The following PHKG2 variants were observed in gnomAD, a reference collection of about 807,000 sequenced individuals.
The protein encoded by PHKG2 is phosphorylase kinase catalytic subunit gamma 2, also known as phosphorylase b kinase gamma catalytic chain, liver/testis isoform.
A neutral mutation model predicts 44.5 loss-of-function variants in PHKG2; 28 were observed. The observed-to-expected ratio is 0.63, with a 90% CI of 0.47 to 0.86. The LOEUF (loss-of-function observed/expected upper bound fraction) is 0.86. Ranked by LOEUF, PHKG2 falls within the 40% of genes least tolerant of loss-of-function variation. PHKG2 has a pLI of 0.00. For missense variants in PHKG2, 498 were observed against 547.5 expected, an observed-to-expected ratio of 0.91 and a Z score of 0.90; for synonymous variants, 220 against 211.2, an observed-to-expected ratio of 1.04 and a Z score of -0.36.
intron 3 of PHKG2, 81 bp from the exon 4 acceptor site, chr16:30,751,468 G>A: frequency 7.2e-7 from 1 of 1,383,958 alleles, no homozygotes. Flanking sequence ...GCCCGCTGCT[G>A]TCCCAGGGTG....
rs1226998252 is a variant in PHKG2, at chr16:30,759,728, G to A, written c.*2631G>A. ...TCCACGTTGCCCAAGGGGGTTGCTGGTAGGGAAAGCAAGATGCAGCAGTGA... is the reference window on the plus strand; with the variant it reads ...TCCACGTTGCCCAAGGGGGTTGCTGATAGGGAAAGCAAGATGCAGCAGTGA... On this transcript the variant is annotated 3_prime_UTR_variant, in exon 10 of 10. Transcript: ENST00000563588. The A allele has an allele frequency of 3.7e-6, 6 of 1,605,076 alleles. No homozygotes were observed. Among genetic ancestry groups the A allele is most frequent in the East Asian group, 2.2e-5 (1 of 44,834 alleles).
At position 30,758,746 on chromosome 16, in the gene PHKG2, G is replaced by A. The variant is rs1175544849; in HGVS notation, c.*1649G>A. 2 of 496,882 alleles carry A rather than the reference G, an allele frequency of 4.0e-6. No homozygotes were observed. The highest frequency in any genetic ancestry group is 3.9e-5 in the African/African-American group (2 of 51,488). 30.8% of individuals were successfully genotyped at this position (496,882 alleles called of 1,614,324 possible). On this transcript the variant is annotated 3_prime_UTR_variant, in exon 10 of 10. Coordinates refer to ENST00000563588, the MANE Select transcript of PHKG2 (RefSeq NM_000294.3). ...ATTTTTTGTATTTTAGTAGATAGGG[G>A]GTTTCACGGTGTTGCCCAGGCTGGT... is the stretch of plus-strand genomic sequence containing the variant.
chr16:30,749,873 G>A (rs1177584481), intron 2 of PHKG2, among the ~76,000 whole-genome samples: 2 of 152,170 alleles, frequency 1.3e-5, no homozygotes, highest in East Asian at 3.8e-4. Context: ...GATAGGTAGA[G>A]GTCTGTATCA....
Position 30,760,605 on chromosome 16 carries a change from C to A in PHKG2, c.*3508C>A. On this transcript the variant is annotated 3_prime_UTR_variant, in exon 10 of 10. Transcript: ENST00000563588. ...CTTCCCACGCCCCCCTCAGTCCCTA[C>A]TCCCTCATCTCAGCATTGGTGGTCT... 6.4e-7 allele frequency: 1 copy of A among 1,558,584 alleles called. No individual in the cohort carries two copies. Among genetic ancestry groups the A allele is most frequent in the Admixed American group, 1.9e-5 (1 of 51,676 alleles).
chr16:30,754,105 T>C lies in PHKG2; in HGVS notation c.556+548T>C, dbSNP rs79682912. 1.5e-4 allele frequency among the ~76,000 whole-genome samples: 23 copies of C among 152,228 alleles called. 1 individual carries two copies. In the East Asian group the frequency reaches 4.2e-3, roughly 28 times the overall value. ...CCCTCAATGGTTTGTACTAGACTTA[T>C]GAAAAGCTACCGTTTACTGGGCATT... On this transcript the variant is annotated intron_variant, in intron 6 of 9. Coordinates refer to ENST00000563588, the MANE Select transcript of PHKG2 (RefSeq NM_000294.3).
chr16:30,757,904 T>A lies in PHKG2; in HGVS notation c.*807T>A. 9.6e-7 allele frequency: 1 copy of A among 1,039,182 alleles called. No individual in the cohort carries two copies. The highest frequency in any genetic ancestry group is 1.3e-6 in the Non-Finnish European group (1 of 781,246). 64.4% of individuals were successfully genotyped at this position (1,039,182 alleles called of 1,614,324 possible). ...GCTGTGTGACCTTAGGCAGGTTATT[T>A]AACCTATCTGTGCCTCAGTTTCCTT... On this transcript the variant is annotated 3_prime_UTR_variant, in exon 10 of 10. Coordinates refer to ENST00000563588, the MANE Select transcript of PHKG2 (RefSeq NM_000294.3).
rs2053288954 is a variant in PHKG2, at chr16:30,748,759, G to A, written c.-18-44G>A. ...GAGCCGCCATGCGGGTCGTCTCAGA[G>A]CCTGTGGGCCTCCCTGCCCTCACTG... On this transcript the variant is annotated intron_variant, in intron 1 of 9. Transcript: ENST00000563588. 1.1e-5 allele frequency: 14 copies of A among 1,258,628 alleles called. No homozygotes were observed. The East Asian group carries it at 4.1e-4, about 37-fold the overall frequency. The allele number at this position is 1,258,628 out of a possible 1,614,324, so 78.0% of individuals were successfully genotyped here.
In PHKG2 at chr16:30,753,218, C is replaced by T. The variant is rs1398019579; in HGVS notation, c.327-14C>T. 2.5e-6 allele frequency: 4 copies of T among 1,610,204 alleles called. No individual in the cohort carries two copies. Among genetic ancestry groups the T allele is most frequent in the Non-Finnish European group, 3.4e-6 (4 of 1,176,656 alleles). Reference sequence around the variant, plus strand: ...GTGGGATGCAGCTGCCTCCTATGCCCCTCCTTCCCTTAGGATGCGGAAGGG... The same window carrying T: ...GTGGGATGCAGCTGCCTCCTATGCCTCTCCTTCCCTTAGGATGCGGAAGGG... On this transcript the variant is annotated splice_polypyrimidine_tract_variant and intron_variant, in intron 4 of 9. Coordinates refer to ENST00000563588, the MANE Select transcript of PHKG2 (RefSeq NM_000294.3).
chr16:30,755,492 C>T (rs548717507), intron 6 of PHKG2, among the ~76,000 whole-genome samples: 5 of 151,830 alleles, frequency 3.3e-5, no homozygotes, highest in African/African-American at 4.8e-5. Context: ...CTGGCCAACA[C>T]GGTGAAAGCC....
rs1263981951 is a variant in PHKG2 at position 30,760,609 on chromosome 16, C to G, written c.*3512C>G. The stretch of plus-strand genomic sequence containing the variant: ...CCACGCCCCCCTCAGTCCCTACTCC[C>G]TCATCTCAGCATTGGTGGTCTTCTC... On this transcript the variant is annotated 3_prime_UTR_variant, in exon 10 of 10. Transcript: ENST00000563588. The G allele has an allele frequency of 6.4e-7, 1 of 1,558,386 alleles. No individual in the cohort carries two copies. Among genetic ancestry groups the G allele is most frequent in the Non-Finnish European group, 8.7e-7 (1 of 1,150,346 alleles).
intron 6 of PHKG2, among the ~76,000 whole-genome samples, 189 bp from the exon 7 acceptor site, chr16:30,755,993 C>A (rs917521223): frequency 3.9e-5 from 6 of 152,186 alleles, no homozygotes; most frequent in Admixed American, 6.5e-5. Context: ...GGAAGGCCAC[C>A]AGGAGCCATG....
intron 6 of PHKG2, among the ~76,000 whole-genome samples, chr16:30,754,553 G>A (rs1281330227): frequency 6.6e-6 from 1 of 152,086 alleles, no homozygotes. Flanking sequence ...TTTATAGATT[G>A]GCTCAAAGAG....
At chr16:30,748,689 C>A in intron 1 of PHKG2, 114 bp from the exon 2 acceptor site, 2 of 340,654 alleles carry the variant, frequency 5.9e-6, no homozygotes, top group South Asian at 2.8e-5. Flanking sequence ...CCCCCCCCCA[C>A]CCCCCAGGAC....
chr16:30,748,481 G>T lies in PHKG2; in HGVS notation c.-28G>T, dbSNP rs556945561. On this transcript the variant is annotated 5_prime_UTR_variant, in exon 1 of 10. Transcript: ENST00000563588. ...CGCGTCGACCCTGGCTCCTCTGCCT[G>T]CCCCCTCAGGTGAGCCTGCGCTAGA... The T allele has an allele frequency of 7.9e-4, 294 of 372,580 alleles. 1 individual carries two copies. Among genetic ancestry groups the T allele is most frequent in the Non-Finnish European group, 1.1e-3 (233 of 202,950 alleles). 23.1% of individuals were successfully genotyped at this position (372,580 alleles called of 1,614,324 possible).
chr16:30,753,181 T>C (rs768958688), intron 4 of PHKG2, 51 bp from the exon 5 acceptor site: 1 of 1,426,738 alleles, frequency 7.0e-7, no homozygotes, highest in South Asian at 1.2e-5. Flanking sequence ...GTCTGTTTTC[T>C]CAGCCCCCAC....
chr16:30,749,861 T>C (rs1186429597), intron 2 of PHKG2, among the ~76,000 whole-genome samples: 1 of 152,174 alleles, frequency 6.6e-6, no homozygotes, highest in African/African-American at 2.4e-5. Context: ...GGCATCAGGC[T>C]AGATAGGTAG....
intron 6 of PHKG2, 34 bp downstream of exon 6, chr16:30,753,591 G>C: frequency 6.2e-7 from 1 of 1,606,450 alleles, no homozygotes; most frequent in Non-Finnish European, 8.5e-7. Flanking sequence ...AGGCTTGGGA[G>C]GGGAGACCCA....
In PHKG2 at chr16:30,757,773, ATGT is replaced by A. The variant is rs2053480100; in HGVS notation, c.*681_*683del. 1.2e-5 allele frequency: 18 copies of A among 1,443,972 alleles called. No homozygotes were observed. The East Asian group carries it at 3.2e-4, about 26-fold the overall frequency. The allele number at this position is 1,443,972 out of a possible 1,614,324, so 89.4% of individuals were successfully genotyped here. On this transcript the variant is annotated 3_prime_UTR_variant, in exon 10 of 10. Transcript: ENST00000563588. The stretch of plus-strand genomic sequence containing the variant: ...CCCTGGTGGGGATATAGAGGTAGCA[ATGT>A]TGTTTCCCTTTAGGAAATGTTAGCA...
intron 7 of PHKG2, 47 bp downstream of exon 7, chr16:30,756,319 TG>T (rs2053425669): frequency 6.2e-7 from 1 of 1,614,042 alleles, no homozygotes; most frequent in Non-Finnish European, 8.5e-7. Flanking sequence ...TGTCCTTTGC[TG>T]GGTCTGCCCG....
Sources: allele counts gnomAD v4.1 joint callset (sites outside exome capture counted in the v4.1 genomes callset), GRCh38; gene constraint gnomAD v4.1.1; transcripts MANE v1.5; gene names NCBI Gene and HGNC (gene_info 2026-07-23, HGNC 2026-07-21).